The following SFXN1 variants were observed in gnomAD, a reference collection of about 807,000 sequenced individuals.
The protein encoded by SFXN1 is sideroflexin 1.
SFXN1 carries 32 observed loss-of-function variants against 39.5 expected under a neutral mutation model. That is an observed-to-expected ratio of 0.81 (90% CI 0.61 to 1.09). The LOEUF (loss-of-function observed/expected upper bound fraction) is 1.09. Ranked by LOEUF, SFXN1 falls within the 50% of genes least tolerant of loss-of-function variation. SFXN1 has a pLI of 0.00. For synonymous variants in SFXN1, 136 were observed against 146.5 expected (o/e 0.93, Z 0.52); for missense variants, 402 against 407.1 (o/e 0.99, Z 0.11).
chr5:175,494,184 A>G (rs573600319), intron 2 of SFXN1, among the ~76,000 whole-genome samples: 22 of 152,318 alleles, frequency 1.4e-4, no homozygotes, highest in Admixed American at 3.9e-4. Context: ...CTAATTAAAG[A>G]GACCTGCCCT....
chr5:175,504,113 T>C (rs562397262), intron 2 of SFXN1, among the ~76,000 whole-genome samples: 3 of 152,068 alleles, frequency 2.0e-5, no homozygotes, highest in East Asian at 3.9e-4. Context: ...GGAGAGGATT[T>C]TGGTAGTCAA....
At chr5:175,490,641 G>A (rs890867234) in intron 1 of SFXN1, among the ~76,000 whole-genome samples, 1 of 152,194 alleles carries the variant, frequency 6.6e-6, no homozygotes, top group African/African-American at 2.4e-5. Flanking sequence ...GCCATGGTTT[G>A]AAGCCTTTAT....
chr5:175,483,150 C>G (rs1759319341), intron 1 of SFXN1, among the ~76,000 whole-genome samples: 1 of 152,152 alleles, frequency 6.6e-6, no homozygotes, highest in Admixed American at 6.5e-5. Context: ...GAAATTATTT[C>G]CGTCTCTTTT....
chr5:175,499,464 C>T (rs927673448), intron 2 of SFXN1, among the ~76,000 whole-genome samples: 1 of 152,016 alleles, frequency 6.6e-6, no homozygotes, highest in Non-Finnish European at 1.5e-5. Flanking sequence ...AGGGCAATAC[C>T]CAAAATAAGC....
chr5:175,523,554 T>C (rs901190488), intron 10 of SFXN1: 2 of 152,192 alleles, frequency 1.3e-5, no homozygotes, highest in Non-Finnish European at 2.9e-5. Context: ...GTAAAACACC[T>C]AAGAAATGTA....
Position 175,484,497 on chromosome 5 carries a change from G to A in SFXN1, c.-10+5858G>A, listed in dbSNP as rs987213395. On this transcript the variant is annotated intron_variant, in intron 1 of 10. Coordinates refer to ENST00000321442, the MANE Select transcript of SFXN1 (RefSeq NM_022754.7). ...CCTTGCCCGGGGCCAGCAGGTGCAC[G>A]CCGGAATGCTGCGGACCAACCAAGT... Among the ~76,000 whole-genome samples, 5 of 152,232 alleles carry A rather than the reference G, an allele frequency of 3.3e-5. No homozygotes were observed. The East Asian group carries it at 5.8e-4, about 18-fold the overall frequency.
intron 3 of SFXN1, chr5:175,509,447 A>G: frequency 3.6e-6 from 1 of 278,538 alleles, no homozygotes; most frequent in Middle Eastern, 1.1e-3. Context: ...ATGGGGTATT[A>G]TTGATGTAAA....
At chr5:175,498,466 G>A (rs962368144) in intron 2 of SFXN1, among the ~76,000 whole-genome samples, 1 of 152,194 alleles carries the variant, frequency 6.6e-6, no homozygotes, top group Non-Finnish European at 1.5e-5. Flanking sequence ...TCTGACCGCA[G>A]AGTTCATGCT....
At chr5:175,479,673 A>G (rs1182648256) in intron 1 of SFXN1, among the ~76,000 whole-genome samples, 1 of 152,194 alleles carries the variant, frequency 6.6e-6, no homozygotes, top group Non-Finnish European at 1.5e-5. Context: ...GCCTGCACCA[A>G]GAAGGCCCTC....
At chr5:175,506,323 G>A (rs1053686874) in intron 2 of SFXN1, among the ~76,000 whole-genome samples, 6 of 152,018 alleles carry the variant, frequency 3.9e-5, no homozygotes, top group South Asian at 4.1e-4. Context: ...GGGGTTAATC[G>A]CAGTGTATAA....
chr5:175,500,403 AAC>A (rs4008099), intron 2 of SFXN1, among the ~76,000 whole-genome samples: 10,356 of 126,934 alleles, frequency 0.082, 348 homozygotes, highest in East Asian at 0.13. Flanking sequence ...CCTGTACACC[AAC>A]ACACACACAC....
chr5:175,517,540 T>C (rs1306041702), intron 8 of SFXN1, among the ~76,000 whole-genome samples: 1 of 152,036 alleles, frequency 6.6e-6, no homozygotes, highest in Non-Finnish European at 1.5e-5. Flanking sequence ...CAATGAGAGA[T>C]ATTGCTCTGA....
At chr5:175,503,245 G>A (rs1760151738) in intron 2 of SFXN1, among the ~76,000 whole-genome samples, 1 of 152,066 alleles carries the variant, frequency 6.6e-6, no homozygotes, top group Admixed American at 6.6e-5. Context: ...CAATAAAGCT[G>A]ATTTAATTTT....
rs1561681332 is a variant in SFXN1, at chr5:175,527,914, A to ATTT, written c.*1180_*1181insTTT. 2 of 142,264 alleles carry ATTT rather than the reference A, an allele frequency of 1.4e-5. No individual in the cohort carries two copies. The highest frequency in any genetic ancestry group is 5.9e-5 in the African/African-American group (2 of 34,148). 8.8% of individuals were successfully genotyped at this position (142,264 alleles called of 1,614,324 possible). On this transcript the variant is annotated 3_prime_UTR_variant, in exon 11 of 11. Coordinates refer to ENST00000321442, the MANE Select transcript of SFXN1 (RefSeq NM_022754.7). ...TGAATTCAACCAAGTTTGGATGGAAAATTTTTTTTTTTTTTTTTTTTTTGA... is the reference window on the plus strand; with the variant it reads ...TGAATTCAACCAAGTTTGGATGGAAATTTATTTTTTTTTTTTTTTTTTTTTTGA...
chr5:175,494,854 TA>T (rs1010288560), intron 2 of SFXN1, among the ~76,000 whole-genome samples: 4 of 151,800 alleles, frequency 2.6e-5, no homozygotes, highest in Non-Finnish European at 4.4e-5. Flanking sequence ...CAAATAGAGT[TA>T]AAAAAAATAA....
intron 4 of SFXN1, 49 bp downstream of exon 4, chr5:175,510,256 T>A: frequency 1.4e-6 from 2 of 1,450,432 alleles, no homozygotes; most frequent in Admixed American, 3.7e-5. Context: ...AACCTTCATT[T>A]TATTAAGTGG....
intron 2 of SFXN1, among the ~76,000 whole-genome samples, chr5:175,497,936 G>GAAAAAAAAAAAAAAAAAAAAAAAAAAAAA (rs71581646): frequency 2.1e-5 from 2 of 95,900 alleles, no homozygotes; most frequent in Non-Finnish European, 2.3e-5. Context: ...GTCTCAAAAA[G>GAAAAAAAAAAAAAAAAAAAAAAAAAAAAA]AAAAAAAAAA....
chr5:175,503,951 C>T (rs910897190), intron 2 of SFXN1, among the ~76,000 whole-genome samples: 4 of 140,574 alleles, frequency 2.8e-5, no homozygotes, highest in Non-Finnish European at 4.5e-5. Context: ...TTGCAGTAGC[C>T]GAGATTGCGC....
At chr5:175,514,330 G>C (rs542380026) in intron 7 of SFXN1, among the ~76,000 whole-genome samples, 1 of 152,238 alleles carries the variant, frequency 6.6e-6, no homozygotes, top group African/African-American at 2.4e-5. Flanking sequence ...TCCCTATAGG[G>C]ACTGGGGTCA....
Sources: gnomAD v4.1 joint callset for allele counts (sites outside exome capture counted in the v4.1 genomes callset) on GRCh38, gnomAD v4.1.1 for gene constraint, MANE v1.5 for transcripts, NCBI Gene and HGNC (gene_info 2026-07-23, HGNC 2026-07-21) for gene names.